Variants in RGL1 observed in about 807,000 individuals in gnomAD.
RGL1 encodes ral guanine nucleotide dissociation stimulator like 1, also known as ral guanine nucleotide dissociation stimulator-like 1.
A neutral mutation model predicts 95.2 loss-of-function variants in RGL1; 24 were observed. That is an observed-to-expected ratio of 0.25 (90% CI 0.18 to 0.35). The LOEUF is 0.35. Among genes scored for constraint, RGL1 ranks in the 10% least tolerant of loss-of-function variants. The pLI is 1.00. For missense variants in RGL1, 715 were observed against 936.3 expected (o/e 0.76, Z 3.08); for synonymous variants, 329 against 344.9 (o/e 0.95, Z 0.51).
chr1:183,696,905 A>G (rs942047048), intron 1 of RGL1, among the ~76,000 whole-genome samples: 1 of 152,154 alleles, frequency 6.6e-6, no homozygotes. Context: ...CCTAAGCCAC[A>G]TCATTCTCTA....
chr1:183,700,135 C>A (rs1034643247), intron 1 of RGL1, among the ~76,000 whole-genome samples: 1 of 152,144 alleles, frequency 6.6e-6, no homozygotes, highest in African/African-American at 2.4e-5. Flanking sequence ...CCTGCTCAGA[C>A]CTGACAAAGT....
chr1:183,759,389 T>G (rs1355381255), intron 2 of RGL1, among the ~76,000 whole-genome samples: 1 of 152,138 alleles, frequency 6.6e-6, no homozygotes, highest in Non-Finnish European at 1.5e-5. Context: ...CCTGGGATGA[T>G]TAAGGCAGAT....
At chr1:183,705,461 G>C (rs554863747) in intron 1 of RGL1, among the ~76,000 whole-genome samples, 1 of 138,522 alleles carries the variant, frequency 7.2e-6, no homozygotes, top group African/African-American at 2.7e-5. Flanking sequence ...CTGAAGGAGA[G>C]TGGATGGTTT....
chr1:183,882,121 C>T (rs568056173), intron 5 of RGL1, among the ~76,000 whole-genome samples: 1 of 152,372 alleles, frequency 6.6e-6, no homozygotes, highest in South Asian at 2.1e-4. Flanking sequence ...AAGAAGCAAG[C>T]TCTCCTATAT....
upstream of RGL1, among the ~76,000 whole-genome samples, chr1:183,801,666 A>G (rs1661000021): frequency 6.6e-6 from 1 of 152,180 alleles, no homozygotes; most frequent in Non-Finnish European, 1.5e-5. Context: ...TATAAAGAAA[A>G]GAAGTTTATT....
In RGL1 at chr1:183,914,435, T is replaced by A. The variant is rs542376352; in HGVS notation, c.1750-2012T>A. Among the ~76,000 whole-genome samples, 97 of 152,282 alleles carry A rather than the reference T, an allele frequency of 6.4e-4. 1 individual carries two copies. The highest frequency in any genetic ancestry group is 2.3e-3 in the African/African-American group (95 of 41,550). On this transcript the variant is annotated intron_variant, in intron 15 of 17. Coordinates refer to ENST00000360851, the MANE Select transcript of RGL1 (RefSeq NM_001297671.3). The stretch of plus-strand genomic sequence containing the variant: ...ACTTGGATGCAAGTAGCTCCTGGAC[T>A]GCACAATCCCTGCATATTAGCTAGA...
intron 16 of RGL1, among the ~76,000 whole-genome samples, chr1:183,921,080 G>T (rs1383856368): frequency 6.6e-6 from 1 of 152,186 alleles, no homozygotes; most frequent in African/African-American, 2.4e-5. Context: ...CAAACTTAAA[G>T]AAATCACCCA....
At chr1:183,788,228 A>G (rs1041964081) in intron 2 of RGL1, among the ~76,000 whole-genome samples, 7 of 152,226 alleles carry the variant, frequency 4.6e-5, no homozygotes, top group Non-Finnish European at 8.8e-5. Context: ...GCTGTCTGCA[A>G]CCAGCAGCGA....
chr1:183,874,160 T>C (rs902890514), intron 4 of RGL1, among the ~76,000 whole-genome samples: 1 of 151,586 alleles, frequency 6.6e-6, no homozygotes, highest in African/African-American at 2.4e-5. Flanking sequence ...ACTTGTTAAA[T>C]CCTCATAATG....
At chr1:183,740,460 A>G (rs1247384420) in intron 1 of RGL1, among the ~76,000 whole-genome samples, 3 of 152,192 alleles carry the variant, frequency 2.0e-5, no homozygotes, top group Admixed American at 2.0e-4. Flanking sequence ...TCTGCAGATG[A>G]TGATTTTCTT....
intron 16 of RGL1, among the ~76,000 whole-genome samples, chr1:183,918,151 T>C (rs1437955500): frequency 6.6e-6 from 1 of 152,156 alleles, no homozygotes; most frequent in African/African-American, 2.4e-5. Flanking sequence ...TTCAGGGACA[T>C]TTAAATCAGA....
rs1309720368 is a variant in RGL1 at position 183,806,419 on chromosome 1, T to A, written c.72T>A (p.Val24=). 3 of 1,614,052 alleles carry A rather than the reference T, an allele frequency of 1.9e-6. No homozygotes were observed. Among genetic ancestry groups the A allele is most frequent in the African/African-American group, 1.3e-5 (1 of 75,006 alleles). The change falls in exon 2 of 18, where the codon GTT becomes GTA. Residue 24 remains valine, a synonymous_variant. Coordinates refer to ENST00000360851, the MANE Select transcript of RGL1 (RefSeq NM_001297671.3). The part of the protein sequence containing the change: ...DWGEEVEEGA[V]YHVTLKRVQI... ...GTGAAGAGGTAGAGGAAGGAGCTGT[T>A]TACCATGTCACCCTCAAAAGAGTCC...
At chr1:183,650,095 G>A (rs1223097077) in intron 1 of RGL1, among the ~76,000 whole-genome samples, 1 of 152,142 alleles carries the variant, frequency 6.6e-6, no homozygotes, top group Non-Finnish European at 1.5e-5. Flanking sequence ...TTACAGGTGT[G>A]AACCACCATG....
intron 2 of RGL1, among the ~76,000 whole-genome samples, chr1:183,822,776 T>C (rs1662579127): frequency 6.6e-6 from 1 of 152,218 alleles, no homozygotes; most frequent in Non-Finnish European, 1.5e-5. Context: ...CATAGGATTT[T>C]AGAGCACTTA....
rs564704003 is a variant in RGL1 at position 183,907,566 on chromosome 1, G to A, written c.1562+465G>A. Among the ~76,000 whole-genome samples, 9 of 152,292 alleles carry A rather than the reference G, an allele frequency of 5.9e-5. No homozygotes were observed. In the East Asian group the frequency reaches 9.6e-4, roughly 16 times the overall value. On this transcript the variant is annotated intron_variant, in intron 14 of 17. Transcript: ENST00000360851. ...CCCTCTGTTCACCAGTGTTGAAGAC[G>A]TTTGCACTGGCTGTGCCTGGCCTGA...
intron 2 of RGL1, among the ~76,000 whole-genome samples, chr1:183,817,867 C>A (rs1158368422): frequency 6.6e-6 from 1 of 152,196 alleles, no homozygotes; most frequent in African/African-American, 2.4e-5. Context: ...ACCTCAGGAA[C>A]CAGCTTTCAG....
At chr1:183,682,347 C>T (rs1469272752) in intron 1 of RGL1, among the ~76,000 whole-genome samples, 1 of 152,094 alleles carries the variant, frequency 6.6e-6, no homozygotes, top group Non-Finnish European at 1.5e-5. Flanking sequence ...TAAATGTGTC[C>T]CAGAGATTCT....
chr1:183,924,559 CACATATAT>C (rs1669502340), intron 17 of RGL1, among the ~76,000 whole-genome samples: 3 of 152,014 alleles, frequency 2.0e-5, no homozygotes, highest in African/African-American at 7.3e-5. Context: ...GCCACCGTGG[CACATATAT>C]ACCTGTGTAA....
Position 183,926,568 on chromosome 1 carries a change from A to T in RGL1, c.*276A>T. On this transcript the variant is annotated 3_prime_UTR_variant, in exon 18 of 18. Transcript: ENST00000360851. Reference sequence around the variant, plus strand: ...ATTTAAAACATATATATGCACATGTATTTGGTATGCATGTGTATCTATATA... The same window carrying T: ...ATTTAAAACATATATATGCACATGTTTTTGGTATGCATGTGTATCTATATA... 1 of 229,096 alleles carries T rather than the reference A, an allele frequency of 4.4e-6. No individual in the cohort carries two copies. The allele number at this position is 229,096 out of a possible 1,614,324, so 14.2% of individuals were successfully genotyped here.
Sources: allele counts gnomAD v4.1 joint callset (sites outside exome capture counted in the v4.1 genomes callset), GRCh38; gene constraint gnomAD v4.1.1; transcripts MANE v1.5; gene names NCBI Gene and HGNC (gene_info 2026-07-23, HGNC 2026-07-21).